The following CDIP1 variants were observed in gnomAD, a reference collection of about 807,000 sequenced individuals.
CDIP1 encodes the protein cell death-inducing p53-target protein 1.
A neutral mutation model predicts 17.7 loss-of-function variants in CDIP1; 9 were observed. The ratio of observed to expected loss-of-function variants is 0.51; its 90% confidence interval spans 0.31 to 0.89. The LOEUF is 0.89. Among genes scored for constraint, CDIP1 ranks in the 40% least tolerant of loss-of-function variants. CDIP1 has a pLI of 0.05. For missense variants in CDIP1, 263 were observed against 277.9 expected, an observed-to-expected ratio of 0.95 and a Z score of 0.38; for synonymous variants, 117 against 109.5, an observed-to-expected ratio of 1.07 and a Z score of -0.43.
chr16:4,514,124 T>C lies in CDIP1; in HGVS notation c.7A>G (p.Ser3Gly), dbSNP rs779446984. ...CCAGGATAAGGAGGGGGAGGCTCGC[T>C]GGACATCTTCGCTGCTTCTCCTGGA... MS[S>G]EPPPPYPGGP... is the part of the protein sequence containing the mutation. The change falls in exon 3 of 6, where the codon AGC becomes GGC. Residue 3 changes from serine to glycine, a missense_variant. Transcript: ENST00000567695. The surrounding 1 kb of genome is among the most constrained non-coding windows in gnomAD (Gnocchi z 5.2). The C allele has an allele frequency of 1.0e-4, 156 of 1,544,040 alleles. No individual in the cohort carries two copies. The highest frequency in any genetic ancestry group is 1.4e-4 in the Admixed American group (6 of 42,472).
intron 1 of CDIP1, among the ~76,000 whole-genome samples, chr16:4,525,735 G>C (rs1396183722): frequency 5.9e-5 from 9 of 152,214 alleles, no homozygotes; most frequent in Admixed American, 5.2e-4. Flanking sequence ...GCAGCCTCTA[G>C]TGAGGCTGAG....
chr16:4,515,437 C>T (rs1020604665), intron 1 of CDIP1, among the ~76,000 whole-genome samples: 9 of 152,018 alleles, frequency 5.9e-5, no homozygotes, highest in Non-Finnish European at 1.3e-4. Context: ...GATATGACAC[C>T]AAAAGCAAAG....
chr16:4,537,847 G>C (rs1274123089), intron 1 of CDIP1, among the ~76,000 whole-genome samples: 1 of 152,236 alleles, frequency 6.6e-6, no homozygotes, highest in African/African-American at 2.4e-5. Flanking sequence ...GCTAAGCCAA[G>C]GTCCTCGAAG....
rs375421147 is a variant in CDIP1 at position 4,526,298 on chromosome 16, G to A, written c.-104-11634C>T. Among the ~76,000 whole-genome samples the A allele has an allele frequency of 1.1e-3, 161 of 152,158 alleles. 1 individual carries two copies. In the Middle Eastern group the frequency reaches 0.031, roughly 29 times the overall value. ...CATCCGCCTGTAATCCCAGCTACTC[G>A]GGAGGCTGAGGCAGGAGAATTACTT... On this transcript the variant is annotated intron_variant, in intron 1 of 5. Coordinates refer to ENST00000567695, the MANE Select transcript of CDIP1 (RefSeq NM_013399.3).
chr16:4,513,184 C>T lies in CDIP1; in HGVS notation c.242-120G>A, dbSNP rs2141626881. On this transcript the variant is annotated intron_variant, in intron 4 of 5. Transcript: ENST00000567695. This position sits in a 1 kb window ranked among gnomAD's most constrained non-coding sequence, Gnocchi z 4.1. ...CAGCGTGCAAGGCTACGCCTCAGAC[C>T]TCCTACCGCCCTCCTAACGGGCCAG... 1 of 1,048,662 alleles carries T rather than the reference C, an allele frequency of 9.5e-7. No individual in the cohort carries two copies. Among genetic ancestry groups the T allele is most frequent in the East Asian group, 2.6e-5 (1 of 38,348 alleles). The allele number at this position is 1,048,662 out of a possible 1,614,324, so 65.0% of individuals were successfully genotyped here. A position where few individuals can be genotyped will look rare whatever the true frequency, so the allele number is the denominator to read the frequency against.
Position 4,513,880 on chromosome 16 carries a change from CTG to C in CDIP1, c.86-31_86-30del. On this transcript the variant is annotated intron_variant, in intron 3 of 5. Coordinates refer to ENST00000567695, the MANE Select transcript of CDIP1 (RefSeq NM_013399.3). This position sits in a 1 kb window ranked among gnomAD's most constrained non-coding sequence, Gnocchi z 4.1. ...GACAGAGAGAGGCAGAAAGAGGAGA[CTG>C]AGCTGGAGCCTCTGCACGATGAGCT... 6.5e-7 allele frequency: 1 copy of C among 1,538,948 alleles called. No individual in the cohort carries two copies. Among genetic ancestry groups the C allele is most frequent in the East Asian group, 2.3e-5 (1 of 43,364 alleles).
At chr16:4,521,035 T>C (rs957033071) in intron 1 of CDIP1, among the ~76,000 whole-genome samples, 6 of 152,144 alleles carry the variant, frequency 3.9e-5, no homozygotes, top group Non-Finnish European at 8.8e-5. Context: ...TGTGGACTCA[T>C]GGGTCAGGAC....
intron 1 of CDIP1, among the ~76,000 whole-genome samples, chr16:4,519,616 C>T (rs369503093): frequency 3.7e-4 from 56 of 152,312 alleles, no homozygotes; most frequent in African/African-American, 1.3e-3. Flanking sequence ...CCAAGCACCA[C>T]AGTTTTGATG....
intron 1 of CDIP1, among the ~76,000 whole-genome samples, chr16:4,517,195 A>G (rs1372870486): frequency 6.6e-6 from 1 of 152,206 alleles, no homozygotes; most frequent in East Asian, 1.9e-4. Context: ...AAGGATGCCA[A>G]TTTATAGTGC....
At chr16:4,518,042 G>A (rs4786508) in intron 1 of CDIP1, among the ~76,000 whole-genome samples, 111,652 of 152,138 alleles carry the variant, frequency 0.73, 41,182 homozygotes, top group African/African-American at 0.78. Flanking sequence ...CTTGCTCATC[G>A]GGGAATGGTC....
chr16:4,532,197 G>T (rs1051378580), intron 1 of CDIP1: 1 of 152,212 alleles, frequency 6.6e-6, no homozygotes, highest in African/African-American at 2.4e-5. Context: ...TGGCTCTTAG[G>T]AAGATGAGAC....
At chr16:4,521,710 A>G (rs1047318759) in intron 1 of CDIP1, among the ~76,000 whole-genome samples, 1 of 144,752 alleles carries the variant, frequency 6.9e-6, no homozygotes, top group Non-Finnish European at 1.5e-5. Flanking sequence ...TAAAAAAAAA[A>G]AAAAAAAAAA....
chr16:4,525,024 C>T (rs1273042631), intron 1 of CDIP1, among the ~76,000 whole-genome samples: 1 of 152,014 alleles, frequency 6.6e-6, no homozygotes, highest in East Asian at 1.9e-4. Flanking sequence ...TTGTTCTAGC[C>T]CAGGGATTCT....
chr16:4,525,493 T>C (rs1332277846), intron 1 of CDIP1, among the ~76,000 whole-genome samples: 2 of 151,938 alleles, frequency 1.3e-5, no homozygotes, highest in Non-Finnish European at 2.9e-5. Context: ...AGTGAGGAGG[T>C]GCTCAAAAGG....
chr16:4,527,954 T>G (rs983306733), intron 1 of CDIP1, among the ~76,000 whole-genome samples: 1 of 152,062 alleles, frequency 6.6e-6, no homozygotes, highest in African/African-American at 2.4e-5. Flanking sequence ...ATAACAAGGA[T>G]TACACGCACC....
intron 1 of CDIP1, among the ~76,000 whole-genome samples, chr16:4,530,376 G>A (rs2059042800): frequency 6.6e-6 from 1 of 152,176 alleles, no homozygotes; most frequent in Admixed American, 6.5e-5. Context: ...TAGACTGGGT[G>A]CAGTGGCTCA....
chr16:4,523,635 G>GTGGTATCTGACAACCAGCAAGGATGC (rs1238763600), intron 1 of CDIP1, among the ~76,000 whole-genome samples: 12 of 152,180 alleles, frequency 7.9e-5, no homozygotes, highest in Admixed American at 7.9e-4. Flanking sequence ...TCTGTGACCA[G>GTGGTATCTGACAACCAGCAAGGATGC]TGGTATCGAG....
intron 1 of CDIP1, among the ~76,000 whole-genome samples, chr16:4,527,238 C>T (rs1483714934): frequency 6.6e-6 from 1 of 152,026 alleles, no homozygotes; most frequent in East Asian, 1.9e-4. Context: ...CAGGCGCCCG[C>T]CAACACGCCT....
intron 1 of CDIP1, chr16:4,532,511 G>C (rs79997896): frequency 0.067 from 10,266 of 152,346 alleles, 620 homozygotes; most frequent in African/African-American, 0.16. Flanking sequence ...GGTGAGCCGG[G>C]TCCTCTGGCC....
Sources: allele counts gnomAD v4.1 joint callset (sites outside exome capture counted in the v4.1 genomes callset), GRCh38; gene constraint gnomAD v4.1.1; non-coding constraint Gnocchi (gnomAD v3.1); transcripts MANE v1.5; gene names NCBI Gene and HGNC (gene_info 2026-07-23, HGNC 2026-07-21).